Variants in PSAP observed in about 807,000 individuals in gnomAD.
The protein encoded by PSAP is precursor of saposins.
Under a neutral mutation model 66.0 loss-of-function variants are expected in PSAP, and 25 were observed. The observed-to-expected ratio is 0.38, with a 90% CI of 0.28 to 0.53. The LOEUF (loss-of-function observed/expected upper bound fraction) is 0.53. Among genes scored for constraint, PSAP ranks in the 20% least tolerant of loss-of-function variants. The pLI is 0.83. For missense variants in PSAP, 649 were observed against 668.8 expected, an observed-to-expected ratio of 0.97 and a Z score of 0.33; for synonymous variants, 273 against 258.9, an observed-to-expected ratio of 1.05 and a Z score of -0.52.
chr10:71,833,388 G>A (rs1000985356), intron 2 of PSAP, among the ~76,000 whole-genome samples: 8 of 152,124 alleles, frequency 5.3e-5, no homozygotes, highest in African/African-American at 1.9e-4. Flanking sequence ...AGCCTAGGAG[G>A]TTGAGGCTGC....
At chr10:71,850,959 G>A (rs1423010831) in intron 1 of PSAP, among the ~76,000 whole-genome samples, 1 of 152,232 alleles carries the variant, frequency 6.6e-6, no homozygotes, top group South Asian at 2.1e-4. Context: ...TGCTGCCCAG[G>A]GCCTGGGCCG....
At chr10:71,835,821 GAAAAA>G (rs758665607) in intron 1 of PSAP, among the ~76,000 whole-genome samples, 1 of 49,416 alleles carries the variant, frequency 2.0e-5, no homozygotes, top group African/African-American at 6.5e-5. Flanking sequence ...GTCTGAGACA[GAAAAA>G]AAAAAAAAAA....
chr10:71,825,452 G>A (rs1165791798), intron 7 of PSAP, among the ~76,000 whole-genome samples: 3 of 152,206 alleles, frequency 2.0e-5, no homozygotes, highest in Non-Finnish European at 2.9e-5. Context: ...GACAAACTCC[G>A]GGAGGCAGTA....
In PSAP at chr10:71,819,070, C is replaced by A; in HGVS notation, c.1392G>T (p.Glu464Asp). Residue 464 changes from glutamate (E) to aspartate (D), a missense_variant, in exon 12 of 14, where the codon GAG becomes GAT. Physicochemically the swap from Glu to Asp is conservative, Grantham distance 45. Coordinates refer to ENST00000394936, the MANE Select transcript of PSAP (RefSeq NM_002778.4). ...AAGGATCCATCACCTCCACCAGGAT[C>A]TCGATCAGCACGGGCTCGTACTCTG... ...FVAEYEPVLI[E>D]ILVEVMDPSF... 1 of 1,614,208 alleles carries A rather than the reference C, an allele frequency of 6.2e-7. No individual in the cohort carries two copies. The highest frequency in any genetic ancestry group is 1.1e-5 in the South Asian group (1 of 91,078).
chr10:71,826,500 G>C (rs1477961717), intron 6 of PSAP, among the ~76,000 whole-genome samples: 5 of 152,166 alleles, frequency 3.3e-5, no homozygotes, highest in Non-Finnish European at 7.4e-5. Flanking sequence ...GTTATGCAAA[G>C]ACACTTAAAA....
At chr10:71,822,532 G>A (rs945974074) in intron 7 of PSAP, 1 of 469,700 alleles carries the variant, frequency 2.1e-6, no homozygotes. Context: ...TGTTCAAGCT[G>A]CACACAGTGC....
At position 71,819,858 on chromosome 10, in the gene PSAP, G is replaced by A. The variant is rs757195533; in HGVS notation, c.1048C>T (p.Pro350Ser). The change falls in exon 10 of 14, where the codon CCG (proline) becomes TCG (serine). Residue 350 changes from proline (P) to serine (S), a missense_variant. Coordinates refer to ENST00000394936, the MANE Select transcript of PSAP (RefSeq NM_002778.4). ...DAFDKMCSKLPKSLSEECQEV... is the reference protein window; with the variant it reads ...DAFDKMCSKLSKSLSEECQEV... ...TGGCACTCTTCCGACAGGGACTTCG[G>A]CAGCTTCGAGCACATTTTGTCAAAA... The A allele has an allele frequency of 2.2e-5, 36 of 1,614,050 alleles. No individual in the cohort carries two copies. Among genetic ancestry groups the A allele is most frequent in the Non-Finnish European group, 3.1e-5 (36 of 1,180,038 alleles).
At chr10:71,822,063 G>A (rs770517483) in intron 7 of PSAP, 56 bp from the exon 8 acceptor site, 3 of 1,612,662 alleles carry the variant, frequency 1.9e-6, no homozygotes, top group South Asian at 2.2e-5. Flanking sequence ...CTGCTCCTCA[G>A]TCCCAATCCA....
chr10:71,831,040 T>G (rs766343886), intron 4 of PSAP, 86 bp downstream of exon 4: 61 of 1,581,574 alleles, frequency 3.9e-5, no homozygotes, highest in Non-Finnish European at 5.1e-5. Context: ...GAACAGACTT[T>G]CCATTTTAAT....
At chr10:71,847,647 C>CAA (rs771414790) in intron 1 of PSAP, among the ~76,000 whole-genome samples, 8 of 126,104 alleles carry the variant, frequency 6.3e-5, no homozygotes, top group African/African-American at 2.3e-4. Flanking sequence ...CTTTCTGCTC[C>CAA]AAAAAAAAAA....
At chr10:71,828,185 C>T in intron 5 of PSAP, 28 bp from the exon 6 acceptor site, 1 of 1,613,902 alleles carries the variant, frequency 6.2e-7, no homozygotes, top group Non-Finnish European at 8.5e-7. Context: ...AGGTTTGCAA[C>T]TTAAGAGGAC....
intron 4 of PSAP, 134 bp from the exon 5 acceptor site, chr10:71,829,211 A>G: frequency 1.1e-6 from 1 of 896,890 alleles, no homozygotes; most frequent in South Asian, 1.4e-5. Flanking sequence ...CTAAATTCAA[A>G]CTGCTCAGCA....
At position 71,819,039 on chromosome 10, in the gene PSAP, C is replaced by T. The variant is rs752532826; in HGVS notation, c.1423G>A (p.Val475Met). 17 of 1,613,972 alleles carry T rather than the reference C, an allele frequency of 1.1e-5. No homozygotes were observed. Among genetic ancestry groups the T allele is most frequent in the Admixed American group, 8.3e-5 (5 of 60,014 alleles). Residue 475 changes from valine to methionine, a missense_variant, in exon 12 of 14, where the codon GTG becomes ATG. Physicochemically the swap from Val to Met is conservative, Grantham distance 21. Coordinates refer to ENST00000394936, the MANE Select transcript of PSAP (RefSeq NM_002778.4). ...ILVEVMDPSF[V>M]CLKIGACPSA... ...CACCCAGTGAGGCTCACCAAGCACA[C>T]GAAGGAAGGATCCATCACCTCCACC...
At position 71,828,017 on chromosome 10, in the gene PSAP, G is replaced by A. The variant is rs879066464; in HGVS notation, c.717C>T (p.Asp239=). 11 of 1,614,048 alleles carry A rather than the reference G, an allele frequency of 6.8e-6. No individual in the cohort carries two copies. In the South Asian group the frequency reaches 1.1e-4, roughly 16 times the overall value. The part of the protein sequence containing the change: ...ECDRLGPGMA[D]ICKNYISQYS... ...TGCACAAGGACACAAGGCTCACTAT[G>A]TCGGCCATGCCAGGGCCCAGGCGGT... Residue 239 remains aspartate (D), a synonymous_variant, in exon 6 of 14, where the codon GAC becomes GAT. Transcript: ENST00000394936.
rs761583615 is a variant in PSAP at position 71,820,289 on chromosome 10, T to G, written c.956A>C (p.Glu319Ala). 1 of 1,614,178 alleles carries G rather than the reference T, an allele frequency of 6.2e-7. No homozygotes were observed. The highest frequency in any genetic ancestry group is 1.1e-5 in the South Asian group (1 of 91,080). Residue 319 changes from glutamate (E) to alanine (A), a missense_variant, in exon 9 of 14, where the codon GAA becomes GCA. Coordinates refer to ENST00000394936, the MANE Select transcript of PSAP (RefSeq NM_002778.4). The part of the protein sequence containing the change: ...AKSDVYCEVC[E>A]FLVKEVTKLI... Reference sequence around the variant, plus strand: ...CTTGGTCACCTCCTTCACCAGGAATTCACACACCTCACAGTAAACATCAGA... The same window carrying G: ...CTTGGTCACCTCCTTCACCAGGAATGCACACACCTCACAGTAAACATCAGA...
At position 71,820,283 on chromosome 10, in the gene PSAP, A is replaced by C; in HGVS notation, c.962T>G (p.Leu321Arg). The C allele has an allele frequency of 6.2e-7, 1 of 1,614,200 alleles. No individual in the cohort carries two copies. The highest frequency in any genetic ancestry group is 8.5e-7 in the Non-Finnish European group (1 of 1,180,010). ...SDVYCEVCEFLVKEVTKLIDN... is the reference protein window; with the variant it reads ...SDVYCEVCEFRVKEVTKLIDN... ...AATCAGCTTGGTCACCTCCTTCACC[A>C]GGAATTCACACACCTCACAGTAAAC... Residue 321 changes from leucine to arginine, a missense_variant, in exon 9 of 14, where the codon CTG becomes CGG. Coordinates refer to ENST00000394936, the MANE Select transcript of PSAP (RefSeq NM_002778.4).
intron 1 of PSAP, among the ~76,000 whole-genome samples, chr10:71,844,004 A>T (rs1249505517): frequency 1.3e-5 from 2 of 152,254 alleles, no homozygotes; most frequent in Non-Finnish European, 2.9e-5. Flanking sequence ...ATTTAAGTAC[A>T]TCTATCTGTG....
At chr10:71,850,365 G>C (rs1169875229) in intron 1 of PSAP, among the ~76,000 whole-genome samples, 1 of 152,084 alleles carries the variant, frequency 6.6e-6, no homozygotes, top group Non-Finnish European at 1.5e-5. Context: ...TTGATTCTAG[G>C]TTTTCAGATA....
chr10:71,827,342 T>C (rs1842414442), intron 6 of PSAP, among the ~76,000 whole-genome samples: 1 of 146,394 alleles, frequency 6.8e-6, no homozygotes, highest in East Asian at 2.0e-4. Flanking sequence ...GAGCTTGCAG[T>C]GAGCCGAGAT....
Sources: gnomAD v4.1 joint callset for allele counts (sites outside exome capture counted in the v4.1 genomes callset) on GRCh38, gnomAD v4.1.1 for gene constraint, MANE v1.5 for transcripts, NCBI Gene and HGNC (gene_info 2026-07-23, HGNC 2026-07-21) for gene names.